The following ZC4H2 variants were observed in gnomAD, a reference collection of about 807,000 sequenced individuals.
The protein encoded by ZC4H2 is zinc finger C4H2-type containing.
For missense variants in ZC4H2, 137 were observed against 173.9 expected, an observed-to-expected ratio of 0.79 and a Z score of 1.19; for synonymous variants, 84 against 66.3, an observed-to-expected ratio of 1.27 and a Z score of -1.30.
intron 1 of ZC4H2, among the ~76,000 whole-genome samples, chrX:64,927,308 T>C (rs895455608): frequency 1.9e-5 from 2 of 107,142 alleles, no homozygotes; most frequent in Non-Finnish European, 3.9e-5. Context: ...CAGGCCCCAG[T>C]GTGTGATGTT....
At chrX:64,976,177 C>A in intron 1 of ZC4H2, 148 bp downstream of exon 1, 1 of 599,023 alleles carries the variant, frequency 1.7e-6, no homozygotes. Flanking sequence ...CTCCTCAGCG[C>A]CCCTCCCATC....
chrX:64,959,958 T>C (rs1240462160), intron 1 of ZC4H2, among the ~76,000 whole-genome samples: 1 of 111,215 alleles, frequency 9.0e-6, no homozygotes, highest in African/African-American at 3.3e-5. Context: ...CTAGTCAAGA[T>C]AGAGTAACAG....
rs189471848 is a variant in ZC4H2, at chrX:65,006,353, T to G, written c.-272+28276A>C. ...GACTGGATTAAGAAAATGTGGCACA[T>G]ATACACCATGGAATACTATGCAGCA... is the stretch of plus-strand genomic sequence containing the variant. On this transcript the variant is annotated intron_variant, in intron 1 of 4. Coordinates refer to the ZC4H2 transcript ENST00000337990. 7.2e-5 allele frequency among the ~76,000 whole-genome samples: 8 copies of G among 111,550 alleles called. No homozygotes were observed. In the Admixed American group the frequency reaches 7.6e-4, roughly 11 times the overall value.
intron 1 of ZC4H2, among the ~76,000 whole-genome samples, chrX:64,973,834 T>C (rs1439156181): frequency 9.0e-6 from 1 of 111,569 alleles, no homozygotes; most frequent in African/African-American, 3.3e-5. Flanking sequence ...TGATGATAAA[T>C]CTGTCATTCT....
Position 64,916,045 on chromosome X carries a change from A to T in ZC4H2, c.*1738T>A, listed in dbSNP as rs1928904425. 8.9e-6 allele frequency: 1 copy of T among 112,180 alleles called. No homozygotes were observed. Among genetic ancestry groups the T allele is most frequent in the African/African-American group, 3.2e-5 (1 of 30,881 alleles). 9.2% of individuals were successfully genotyped at this position (112,180 alleles called of 1,213,427 possible). ...TTTCTTAAAAATGATCATGGAGAAGAAGTAGAAAAAAATGAGCTCTGGAGT... is the reference window on the plus strand; with the variant it reads ...TTTCTTAAAAATGATCATGGAGAAGTAGTAGAAAAAAATGAGCTCTGGAGT... On this transcript the variant is annotated 3_prime_UTR_variant, in exon 5 of 5. Transcript: ENST00000374839.
intron 1 of ZC4H2, among the ~76,000 whole-genome samples, chrX:64,951,821 A>C (rs1377195225): frequency 9.0e-6 from 1 of 110,641 alleles, no homozygotes; most frequent in Non-Finnish European, 1.9e-5. Context: ...CCCATTTGTC[A>C]ATTTTGGCTT....
intron 1 of ZC4H2, among the ~76,000 whole-genome samples, chrX:64,968,350 C>A (rs1424084090): frequency 9.0e-6 from 1 of 111,655 alleles, no homozygotes; most frequent in African/African-American, 3.3e-5. Flanking sequence ...TCCATCACAA[C>A]AAGGAACTTT....
intron 1 of ZC4H2, among the ~76,000 whole-genome samples, chrX:64,985,110 C>T (rs1602438306): frequency 1.8e-5 from 2 of 112,105 alleles, no homozygotes; most frequent in African/African-American, 6.5e-5. Context: ...GTAGACACTT[C>T]GGTTGGTTCC....
chrX:64,928,495 T>C, intron 1 of ZC4H2, among the ~76,000 whole-genome samples: 1 of 111,982 alleles, frequency 8.9e-6, no homozygotes, highest in South Asian at 3.8e-4. Flanking sequence ...TCTGTTTTGG[T>C]ACTAGTACCA....
In ZC4H2 at chrX:64,957,738, T is replaced by A. The variant is rs1244920042; in HGVS notation, c.53+18587A>T. On this transcript the variant is annotated intron_variant, in intron 1 of 4. Coordinates refer to ENST00000374839, the MANE Select transcript of ZC4H2 (RefSeq NM_018684.4). ...TTAGCCAGGTGTGGTGGTGCATGCC[T>A]GTGGTCCTAGCTACTTGGGAGGCTG... Among the ~76,000 whole-genome samples, 2 of 110,051 alleles carry A rather than the reference T, an allele frequency of 1.8e-5. 1 individual carries two copies. Among genetic ancestry groups the A allele is most frequent in the African/African-American group, 6.6e-5 (2 of 30,191 alleles).
chrX:64,958,235 G>T (rs1455936662), intron 1 of ZC4H2, among the ~76,000 whole-genome samples: 1 of 111,979 alleles, frequency 8.9e-6, no homozygotes, highest in African/African-American at 3.2e-5. Context: ...TCACAAACGT[G>T]AGTAATACAT....
chrX:64,996,753 G>A (rs1474397549), intron 1 of ZC4H2, among the ~76,000 whole-genome samples: 1 of 110,992 alleles, frequency 9.0e-6, no homozygotes, highest in East Asian at 2.8e-4. Flanking sequence ...GTCAGAATCA[G>A]CAAACCTGAA....
chrX:64,997,916 C>T (rs920297527), intron 1 of ZC4H2, among the ~76,000 whole-genome samples: 2 of 111,876 alleles, frequency 1.8e-5, no homozygotes, highest in African/African-American at 6.5e-5. Flanking sequence ...CCACGCCTCG[C>T]CAAGTAGCAT....
At chrX:64,993,909 A>G (rs1932358872) in intron 1 of ZC4H2, among the ~76,000 whole-genome samples, 1 of 112,226 alleles carries the variant, frequency 8.9e-6, no homozygotes, top group Non-Finnish European at 1.9e-5. Context: ...AGATGAGGAA[A>G]CTCAGATGCA....
At chrX:64,988,212 T>A (rs915938410) in intron 1 of ZC4H2, among the ~76,000 whole-genome samples, 1 of 110,896 alleles carries the variant, frequency 9.0e-6, no homozygotes, top group African/African-American at 3.3e-5. Flanking sequence ...CATGTGTCTT[T>A]ATAGCAGCAT....
intron 1 of ZC4H2, among the ~76,000 whole-genome samples, chrX:65,030,763 T>C (rs966815682): frequency 4.5e-4 from 50 of 111,152 alleles, no homozygotes; most frequent in Non-Finnish European, 8.5e-4. Flanking sequence ...TGAGTCAGTT[T>C]AGTGGAAGTC....
In ZC4H2 at chrX:64,920,085, A is replaced by T. The variant is rs1929125667; in HGVS notation, c.394T>A (p.Leu132Met). The change falls in exon 3 of 5, where the codon TTG becomes ATG. Residue 132 changes from leucine (L) to methionine (M), a missense_variant. Physicochemically the swap from Leu to Met is conservative, Grantham distance 15. Transcript: ENST00000374839. The stretch of plus-strand genomic sequence containing the variant: ...GACTGGGGGCAGGTAGCTTACTCCA[A>T]GGAAAGCTTCTCCTCTTCTTCACAC... Reference protein sequence around the residue: ...DLCEEEEKLSLDYFEKQKAEW... With the variant: ...DLCEEEEKLSMDYFEKQKAEW... The T allele has an allele frequency of 8.3e-7, 1 of 1,207,432 alleles. No homozygotes were observed. Among genetic ancestry groups the T allele is most frequent in the African/African-American group, 1.8e-5 (1 of 56,942 alleles).
intron 1 of ZC4H2, among the ~76,000 whole-genome samples, chrX:64,970,429 AG>A (rs1443119276): frequency 7.1e-5 from 7 of 98,865 alleles, no homozygotes; most frequent in African/African-American, 2.6e-4. Context: ...CAGGTAACAG[AG>A]GAGCTTACCA....
intron 1 of ZC4H2, among the ~76,000 whole-genome samples, chrX:64,986,646 C>G (rs1467389658): frequency 9.0e-6 from 1 of 111,093 alleles, no homozygotes; most frequent in African/African-American, 3.3e-5. Flanking sequence ...GATGGTGTGT[C>G]CATGGAAATA....
Sources: gnomAD v4.1 joint callset for allele counts (sites outside exome capture counted in the v4.1 genomes callset) on GRCh38, gnomAD v4.1.1 for gene constraint, MANE v1.5 for transcripts, NCBI Gene and HGNC (gene_info 2026-07-23, HGNC 2026-07-21) for gene names.